Variants in TNR observed in about 807,000 individuals in gnomAD.
The protein encoded by TNR is tenascin-R.
Under a neutral mutation model 150.4 loss-of-function variants are expected in TNR, and 45 were observed. That is an observed-to-expected ratio of 0.30 (90% confidence interval 0.24 to 0.38). The LOEUF (loss-of-function observed/expected upper bound fraction) is 0.38, where lower values mean the gene tolerates loss of function less well. TNR is among the 10% of genes least tolerant of loss of function. The pLI, the probability that TNR is intolerant of heterozygous loss-of-function variation, is 1.00. For synonymous variants in TNR, 687 were observed against 678.4 expected (o/e 1.01, Z -0.20); for missense variants, 1,544 against 1,759.1 (o/e 0.88, Z 2.19).
intron 2 of TNR, among the ~76,000 whole-genome samples, chr1:175,505,308 C>T (rs1369922055): frequency 6.6e-6 from 1 of 152,122 alleles, no homozygotes; most frequent in Non-Finnish European, 1.5e-5. Flanking sequence ...TCTCGGGCTT[C>T]CCCCGGCGAG....
At chr1:175,565,542 A>G (rs1269850262) in intron 1 of TNR, among the ~76,000 whole-genome samples, 1 of 152,236 alleles carries the variant, frequency 6.6e-6, no homozygotes, top group African/African-American at 2.4e-5. Flanking sequence ...TCCTCCCAGG[A>G]TCCCCTGAGT....
intron 1 of TNR, among the ~76,000 whole-genome samples, chr1:175,553,336 T>A (rs962734769): frequency 1.3e-5 from 2 of 152,172 alleles, no homozygotes; most frequent in African/African-American, 4.8e-5. Context: ...GATTTCTTGA[T>A]CCATTTTGTG....
intron 2 of TNR, among the ~76,000 whole-genome samples, chr1:175,493,934 T>C (rs1220732414): frequency 6.6e-6 from 1 of 152,158 alleles, no homozygotes; most frequent in Non-Finnish European, 1.5e-5. Flanking sequence ...CTCCGTGAGA[T>C]CCACTCTCAG....
intron 2 of TNR, among the ~76,000 whole-genome samples, chr1:175,452,909 G>A (rs1275488263): frequency 6.6e-6 from 1 of 152,098 alleles, no homozygotes; most frequent in Admixed American, 6.5e-5. Context: ...GCTACAACAT[G>A]GATGAACCGT....
At chr1:175,386,340 G>A in intron 7 of TNR, 39 bp from the exon 8 acceptor site, 1 of 1,505,128 alleles carries the variant, frequency 6.6e-7, no homozygotes, top group Non-Finnish European at 8.9e-7. Flanking sequence ...AAGTTTGAAT[G>A]AGAAATAAGC....
At chr1:175,359,869 C>T (rs1398287974) in intron 14 of TNR, 138 bp from the exon 15 acceptor site, 3 of 1,118,400 alleles carry the variant, frequency 2.7e-6, no homozygotes, top group South Asian at 3.4e-5. Context: ...GAAACCTCTT[C>T]CCTTTCTCCT....
chr1:175,518,726 A>G (rs1226469537), intron 2 of TNR, among the ~76,000 whole-genome samples: 2 of 152,120 alleles, frequency 1.3e-5, no homozygotes, highest in African/African-American at 2.4e-5. Flanking sequence ...CATCTACATT[A>G]TAACTCCATT....
chr1:175,449,050 C>T (rs1003561964), intron 2 of TNR, among the ~76,000 whole-genome samples: 6 of 152,148 alleles, frequency 3.9e-5, no homozygotes, highest in Admixed American at 2.0e-4. Context: ...TTGCCACCTG[C>T]GGACACATTT....
intron 21 of TNR, among the ~76,000 whole-genome samples, chr1:175,327,144 A>G (rs1649445876): frequency 6.6e-6 from 1 of 151,886 alleles, no homozygotes; most frequent in Admixed American, 6.6e-5. Flanking sequence ...TCCCTCTGTC[A>G]TCTAGAATTT....
intron 1 of TNR, among the ~76,000 whole-genome samples, chr1:175,580,026 G>T (rs545350964): frequency 3.3e-5 from 5 of 152,214 alleles, no homozygotes; most frequent in East Asian, 3.9e-4. Context: ...CACCATCAAG[G>T]CATTCACCTA....
intron 1 of TNR, among the ~76,000 whole-genome samples, chr1:175,532,473 GTTTCTTAGAGGGA>G (rs1416189065): frequency 6.6e-6 from 1 of 152,174 alleles, no homozygotes; most frequent in Non-Finnish European, 1.5e-5. Flanking sequence ...AAATGTGAAT[GTTTCTTAGAGGGA>G]TTTCTCTGAC....
intron 1 of TNR, among the ~76,000 whole-genome samples, chr1:175,676,086 C>T (rs1260779343): frequency 6.6e-6 from 1 of 152,134 alleles, no homozygotes; most frequent in African/African-American, 2.4e-5. Context: ...ACAGTGCAGG[C>T]ACTGCACTGA....
intron 2 of TNR, among the ~76,000 whole-genome samples, chr1:175,487,916 T>C (rs1658082448): frequency 6.6e-6 from 1 of 152,214 alleles, no homozygotes; most frequent in Admixed American, 6.5e-5. Context: ...GATTTTGAAC[T>C]TGCCACTCAA....
rs559315449 is a variant in TNR at position 175,577,587 on chromosome 1, G to T, written c.-164-49218C>A. Among the ~76,000 whole-genome samples, 12 of 152,274 alleles carry T rather than the reference G, an allele frequency of 7.9e-5. No individual in the cohort carries two copies. In the South Asian group the frequency reaches 2.3e-3, roughly 29 times the overall value. ...GGAAGTACAAGTGGCTTGGAGGGCT[G>T]GGGGTGCGGGTTTGGGAGCGAGGTA... On this transcript the variant is annotated intron_variant, in intron 1 of 22. Coordinates refer to ENST00000367674, the MANE Select transcript of TNR (RefSeq NM_003285.3).
intron 1 of TNR, among the ~76,000 whole-genome samples, chr1:175,659,745 T>C (rs1665303520): frequency 6.6e-6 from 1 of 152,042 alleles, no homozygotes. Flanking sequence ...GTCTATACAC[T>C]CTAGAGGACT....
At chr1:175,643,877 T>C (rs1664736785) in intron 1 of TNR, among the ~76,000 whole-genome samples, 1 of 152,236 alleles carries the variant, frequency 6.6e-6, no homozygotes, top group Non-Finnish European at 1.5e-5. Flanking sequence ...ACCAGTCATT[T>C]GATGCATCCT....
At chr1:175,651,928 T>C (rs936820830) in intron 1 of TNR, among the ~76,000 whole-genome samples, 24 of 151,474 alleles carry the variant, frequency 1.6e-4, no homozygotes, top group Non-Finnish European at 2.4e-4. Context: ...CAAATTACTA[T>C]GTTCATGGAT....
intron 1 of TNR, among the ~76,000 whole-genome samples, chr1:175,641,497 A>G (rs559340739): frequency 6.6e-6 from 1 of 152,352 alleles, no homozygotes; most frequent in South Asian, 2.1e-4. Context: ...ACTCAATGGC[A>G]TCTTCTATTA....
intron 1 of TNR, among the ~76,000 whole-genome samples, chr1:175,692,097 G>A (rs79658577): frequency 6.6e-6 from 1 of 152,212 alleles, no homozygotes; most frequent in African/African-American, 2.4e-5. Flanking sequence ...ACCAGAGGTG[G>A]AAGTAACAAT....
Sources: allele counts gnomAD v4.1 joint callset (sites outside exome capture counted in the v4.1 genomes callset), GRCh38; gene constraint gnomAD v4.1.1; transcripts MANE v1.5; gene names NCBI Gene and HGNC (gene_info 2026-07-23, HGNC 2026-07-21).